CSMD1: variants seen among roughly 807,000 people sequenced by gnomAD.
The protein encoded by CSMD1 is CUB and sushi domain-containing protein 1.
Under a neutral mutation model 417.5 loss-of-function variants are expected in CSMD1, and 213 were observed. That is an observed-to-expected ratio of 0.51 (90% CI 0.46 to 0.57). CSMD1 has a LOEUF of 0.57. CSMD1 is among the 20% of genes least tolerant of loss of function. CSMD1 has a pLI of 0.00. For synonymous variants in CSMD1, 2,862 were observed against 1,736.8 expected, an observed-to-expected ratio of 1.65 and a Z score of -16.11; for missense variants, 6,923 against 4,529.7, an observed-to-expected ratio of 1.53 and a Z score of -15.17.
intron 16 of CSMD1, among the ~76,000 whole-genome samples, chr8:3,396,592 C>A (rs1482695967): frequency 1.3e-5 from 2 of 152,108 alleles, no homozygotes; most frequent in Non-Finnish European, 2.9e-5. Flanking sequence ...TTTCTCTTAT[C>A]TAATATTCTG....
At chr8:3,512,626 G>C (rs562827000) in intron 10 of CSMD1, among the ~76,000 whole-genome samples, 10 of 142,266 alleles carry the variant, frequency 7.0e-5, no homozygotes, top group Non-Finnish European at 1.4e-4. Context: ...TTTTAAGACA[G>C]AGTCTTGCTT....
At chr8:3,707,715 A>G (rs981566769) in intron 7 of CSMD1, among the ~76,000 whole-genome samples, 1 of 152,224 alleles carries the variant, frequency 6.6e-6, no homozygotes, top group Admixed American at 6.5e-5. Flanking sequence ...CAAGGAGCAC[A>G]TAGGCTGTTG....
chr8:3,626,641 T>C (rs1796504778), intron 7 of CSMD1, among the ~76,000 whole-genome samples: 1 of 151,584 alleles, frequency 6.6e-6, no homozygotes, highest in Non-Finnish European at 1.5e-5. Context: ...AGTTTCTTTT[T>C]GATTATAGTT....
intron 8 of CSMD1, among the ~76,000 whole-genome samples, chr8:3,608,109 G>T (rs1842727): frequency 6.6e-6 from 1 of 150,850 alleles, no homozygotes; most frequent in East Asian, 2.0e-4. Flanking sequence ...GAGGTGGAGA[G>T]GTTGCAGTGA....
chr8:3,453,884 G>C (rs1032652718), intron 12 of CSMD1, among the ~76,000 whole-genome samples: 3 of 152,106 alleles, frequency 2.0e-5, no homozygotes, highest in African/African-American at 7.2e-5. Context: ...TTTCTGTCTT[G>C]TTGAAATGTC....
At position 3,781,640 on chromosome 8, in the gene CSMD1, T is replaced by C. The variant is rs79857552; in HGVS notation, c.819-27598A>G. On this transcript the variant is annotated intron_variant, in intron 5 of 69. Coordinates refer to ENST00000635120, the MANE Select transcript of CSMD1 (RefSeq NM_033225.6). ...CATCAAGAAACCCTATAGTTGATGA[T>C]TGTCCCTGTGATGTGAATGGCAGGT... is the stretch of plus-strand genomic sequence containing the variant. Among the ~76,000 whole-genome samples, 343 of 152,332 alleles carry C rather than the reference T, an allele frequency of 2.3e-3. 2 individuals are homozygous for C. Among genetic ancestry groups the C allele is most frequent in the Middle Eastern group, 0.01 (3 of 294 alleles).
chr8:3,153,597 T>G (rs1819332870), intron 39 of CSMD1, among the ~76,000 whole-genome samples: 1 of 152,216 alleles, frequency 6.6e-6, no homozygotes, highest in Non-Finnish European at 1.5e-5. Flanking sequence ...AAAGTTCCTT[T>G]TGATTTTAGC....
intron 5 of CSMD1, among the ~76,000 whole-genome samples, chr8:3,931,289 T>G (rs553436303): frequency 6.6e-6 from 1 of 150,678 alleles, no homozygotes; most frequent in East Asian, 2.0e-4. Context: ...TAAATGGTAT[T>G]GTGAAATTTT....
At position 4,267,292 on chromosome 8, in the gene CSMD1, T is replaced by C. The variant is rs1407459607; in HGVS notation, c.415+152661A>G. ...ATCATGTTTTAATATGTATTAGCTATAACCATTTAGAAAATATAATTTAAA... is the reference window on the plus strand; with the variant it reads ...ATCATGTTTTAATATGTATTAGCTACAACCATTTAGAAAATATAATTTAAA... On this transcript the variant is annotated intron_variant, in intron 3 of 69. Transcript: ENST00000635120. Among the ~76,000 whole-genome samples the C allele has an allele frequency of 2.9e-5, 3 of 103,658 alleles. 1 individual carries two copies. Among genetic ancestry groups the C allele is most frequent in the Non-Finnish European group, 5.2e-5 (2 of 38,606 alleles). 68.0% of individuals were successfully genotyped at this position (103,658 alleles called of 152,430 possible).
intron 2 of CSMD1, among the ~76,000 whole-genome samples, chr8:4,431,421 C>A (rs1052138455): frequency 1.1e-4 from 16 of 151,960 alleles, no homozygotes; most frequent in African/African-American, 3.6e-4. Context: ...GAAGGAGGAA[C>A]AAGGTGAGAG....
intron 3 of CSMD1, among the ~76,000 whole-genome samples, chr8:4,139,311 C>A (rs1214139328): frequency 1.3e-5 from 2 of 152,106 alleles, no homozygotes; most frequent in African/African-American, 4.8e-5. Context: ...TGTCGTTATA[C>A]TTATACGAAA....
At chr8:4,453,754 C>T (rs1668131757) in intron 2 of CSMD1, among the ~76,000 whole-genome samples, 2 of 150,778 alleles carry the variant, frequency 1.3e-5, no homozygotes, top group South Asian at 2.1e-4. Flanking sequence ...TCCGGGTCCC[C>T]ATTTGAGCGA....
intron 11 of CSMD1, among the ~76,000 whole-genome samples, chr8:3,471,984 C>G (rs1015313890): frequency 2.6e-5 from 4 of 151,950 alleles, no homozygotes; most frequent in Non-Finnish European, 5.9e-5. Flanking sequence ...ATGTCAGCAC[C>G]CTACTCATCT....
chr8:4,945,906 C>A (rs973159130), intron 1 of CSMD1, among the ~76,000 whole-genome samples: 1 of 152,078 alleles, frequency 6.6e-6, no homozygotes, highest in Non-Finnish European at 1.5e-5. Context: ...AGCATTCACT[C>A]GAAGAAAACA....
intron 2 of CSMD1, among the ~76,000 whole-genome samples, chr8:4,581,353 A>T (rs770885671): frequency 6.6e-6 from 1 of 152,230 alleles, no homozygotes; most frequent in Admixed American, 6.5e-5. Flanking sequence ...ATTAAATCTT[A>T]CTACCTCTCG....
At chr8:3,066,252 A>C (rs1812931013) in intron 49 of CSMD1, among the ~76,000 whole-genome samples, 1 of 152,222 alleles carries the variant, frequency 6.6e-6, no homozygotes, top group South Asian at 2.1e-4. Flanking sequence ...TTCAATATCC[A>C]AACTCCAGTA....
At chr8:4,093,504 G>A (rs975696340) in intron 3 of CSMD1, among the ~76,000 whole-genome samples, 1 of 152,172 alleles carries the variant, frequency 6.6e-6, no homozygotes, top group African/African-American at 2.4e-5. Flanking sequence ...GTTAGCTCAT[G>A]ATTCAAAGGA....
chr8:3,051,137 C>T (rs13282359), intron 50 of CSMD1, among the ~76,000 whole-genome samples: 27,137 of 152,214 alleles, frequency 0.18, 3,052 homozygotes, highest in Non-Finnish European at 0.25. Flanking sequence ...ACCATAAAGA[C>T]ACATGCACAT....
intron 1 of CSMD1, among the ~76,000 whole-genome samples, chr8:4,871,876 A>G (rs1294736708): frequency 6.6e-6 from 1 of 152,006 alleles, no homozygotes; most frequent in African/African-American, 2.4e-5. Flanking sequence ...TCATTGCTTG[A>G]TGGATGACAC....
Sources: allele counts gnomAD v4.1 joint callset (sites outside exome capture counted in the v4.1 genomes callset), GRCh38; gene constraint gnomAD v4.1.1; transcripts MANE v1.5; gene names NCBI Gene and HGNC (gene_info 2026-07-23, HGNC 2026-07-21).